The following ARPC2 variants were observed in gnomAD, a reference collection of about 807,000 sequenced individuals.
ARPC2 encodes the protein actin-related protein 2/3 complex subunit 2.
A neutral mutation model predicts 38.6 loss-of-function variants in ARPC2; 4 were observed. The observed-to-expected ratio is 0.10, with a 90% CI of 0.05 to 0.24. ARPC2 has a LOEUF of 0.24. Among genes scored for constraint, ARPC2 ranks in the 10% least tolerant of loss-of-function variants. The pLI, the probability that ARPC2 is intolerant of heterozygous loss-of-function variation, is 1.00. For synonymous variants in ARPC2, 125 were observed against 140.8 expected (o/e 0.89, Z 0.79); for missense variants, 229 against 387.3 (o/e 0.59, Z 3.43).
intron 7 of ARPC2, among the ~76,000 whole-genome samples, chr2:218,240,643 G>A (rs1436056364): frequency 6.6e-6 from 1 of 152,102 alleles, no homozygotes; most frequent in Non-Finnish European, 1.5e-5. Flanking sequence ...TGTAATCCCA[G>A]CACTGTGGGA....
intron 2 of ARPC2, among the ~76,000 whole-genome samples, chr2:218,221,296 G>T (rs968361653): frequency 2.0e-5 from 3 of 152,188 alleles, no homozygotes; most frequent in African/African-American, 7.2e-5. Context: ...GATGGGAAGA[G>T]AAATTTGAAA....
chr2:218,241,882 A>G (rs948087323), intron 7 of ARPC2, among the ~76,000 whole-genome samples: 1 of 152,236 alleles, frequency 6.6e-6, no homozygotes, highest in Admixed American at 6.5e-5. Context: ...AGGCTTAGGT[A>G]ATTTGTTGGA....
intron 8 of ARPC2, among the ~76,000 whole-genome samples, chr2:218,246,795 A>C (rs950442035): frequency 6.6e-6 from 1 of 152,166 alleles, no homozygotes; most frequent in Non-Finnish European, 1.5e-5. Flanking sequence ...ACATGGTGAA[A>C]CCACACCTCT....
rs77290917 is a variant in ARPC2 at position 218,228,396 on chromosome 2, C to G, written c.110-342C>G. 3.3e-5 allele frequency among the ~76,000 whole-genome samples: 5 copies of G among 150,854 alleles called. No homozygotes were observed. In the East Asian group the frequency reaches 9.7e-4, roughly 29 times the overall value. Reference sequence around the variant, plus strand: ...CCAGCCTGGGTGACAGAGTAAGACTCTATCTCAAAAAAAAAAAAATCGTTG... The same window carrying G: ...CCAGCCTGGGTGACAGAGTAAGACTGTATCTCAAAAAAAAAAAAATCGTTG... On this transcript the variant is annotated intron_variant, in intron 3 of 10. Transcript: ENST00000315717.
chr2:218,249,985 G>A lies in ARPC2; in HGVS notation c.878+64G>A, dbSNP rs574361013. On this transcript the variant is annotated intron_variant, in intron 10 of 10. Transcript: ENST00000315717. ...TGAGTCACCGAGAAGGAAGCAGTGG[G>A]CGCTGGTGGCCTGGTCCTCCATGTA... 16 of 1,391,986 alleles carry A rather than the reference G, an allele frequency of 1.1e-5. No individual in the cohort carries two copies. In the South Asian group the frequency reaches 1.5e-4, roughly 13 times the overall value. 86.2% of individuals were successfully genotyped at this position (1,391,986 alleles called of 1,614,324 possible).
At chr2:218,234,054 A>G in intron 4 of ARPC2, 1 of 217,040 alleles carries the variant, frequency 4.6e-6, no homozygotes, top group Non-Finnish European at 9.1e-6. Flanking sequence ...CTATAATCCC[A>G]GCTACTTGGG....
At chr2:218,252,589 A>G (rs1470771076) in intron 10 of ARPC2, among the ~76,000 whole-genome samples, 1 of 152,202 alleles carries the variant, frequency 6.6e-6, no homozygotes, top group Non-Finnish European at 1.5e-5. Flanking sequence ...GTAGAGGCCA[A>G]GAGGTAAACT....
intron 4 of ARPC2, 88 bp from the exon 5 acceptor site, chr2:218,234,264 G>T (rs1689714995): frequency 2.0e-6 from 2 of 1,019,874 alleles, no homozygotes; most frequent in South Asian, 1.5e-5. Flanking sequence ...CTTAGGAAGA[G>T]CTTGGCAAGT....
rs1689282328 is a variant in ARPC2, at chr2:218,217,564, C to T, written c.74+20C>T. ...CGCCGGGTGAGCGCGCGCCCGGGGC[C>T]GGGGGTGGCGGGGGAAGCAGAGTTG... On this transcript the variant is annotated intron_variant, in intron 2 of 10. Transcript: ENST00000315717. The T allele has an allele frequency of 6.3e-7, 1 of 1,598,134 alleles. No individual in the cohort carries two copies. Among genetic ancestry groups the T allele is most frequent in the African/African-American group, 1.3e-5 (1 of 74,576 alleles).
At chr2:218,253,031 T>C (rs1690231270) in intron 10 of ARPC2, 1 of 456,324 alleles carries the variant, frequency 2.2e-6, no homozygotes, top group Non-Finnish European at 4.4e-6. Flanking sequence ...ATGTTACTAA[T>C]GGTGGGTAGG....
intron 4 of ARPC2, 131 bp downstream of exon 4, chr2:218,228,981 ACTTGATTCCT>A (rs1345181357): frequency 1.7e-5 from 10 of 586,346 alleles, no homozygotes; most frequent in Non-Finnish European, 3.0e-5. Flanking sequence ...GGGGCTCTTG[ACTTGATTCCT>A]ATAATGAATT....
intron 6 of ARPC2, 144 bp downstream of exon 6, chr2:218,238,994 A>G: frequency 1.5e-6 from 1 of 676,420 alleles, no homozygotes; most frequent in Non-Finnish European, 2.5e-6. Context: ...CAGGAAGTAG[A>G]TGATAGGGCA....
intron 7 of ARPC2, 39 bp downstream of exon 7, chr2:218,239,523 G>C (rs367601012): frequency 6.7e-7 from 1 of 1,494,026 alleles, no homozygotes; most frequent in Non-Finnish European, 9.3e-7. Flanking sequence ...CATGCATGGC[G>C]ACTTATACCT....
intron 3 of ARPC2, among the ~76,000 whole-genome samples, chr2:218,226,626 C>CAAAAAAA (rs34789459): frequency 1.6e-5 from 1 of 61,490 alleles, no homozygotes; most frequent in African/African-American, 6.7e-5. Flanking sequence ...GACTCCATCT[C>CAAAAAAA]AAAAAAAAAA....
intron 2 of ARPC2, among the ~76,000 whole-genome samples, chr2:218,218,877 C>A (rs1473769255): frequency 1.3e-5 from 2 of 152,184 alleles, no homozygotes; most frequent in African/African-American, 4.8e-5. Context: ...CTGCCAGGGG[C>A]TGCAGTTGGT....
At chr2:218,240,747 G>A (rs1352793947) in intron 7 of ARPC2, among the ~76,000 whole-genome samples, 1 of 152,054 alleles carries the variant, frequency 6.6e-6, no homozygotes, top group Admixed American at 6.6e-5. Context: ...CAAAAAATTA[G>A]CCGGGTGTGG....
chr2:218,250,574 G>T (rs559763387), intron 10 of ARPC2, among the ~76,000 whole-genome samples: 2 of 151,232 alleles, frequency 1.3e-5, no homozygotes, highest in Admixed American at 1.3e-4. Context: ...CTGAGGCAGA[G>T]AATTGCTTGA....
chr2:218,220,350 A>T (rs1689355628), intron 2 of ARPC2, among the ~76,000 whole-genome samples: 2 of 152,320 alleles, frequency 1.3e-5, no homozygotes, highest in South Asian at 4.1e-4. Flanking sequence ...AGCCATACAA[A>T]GTGGCTGGCT....
chr2:218,248,618 A>G (rs895650335), intron 8 of ARPC2, among the ~76,000 whole-genome samples: 1 of 152,176 alleles, frequency 6.6e-6, no homozygotes, highest in African/African-American at 2.4e-5. Context: ...ACGCCATCAC[A>G]TGTGGCTAAT....
Sources: gnomAD v4.1 joint callset for allele counts (sites outside exome capture counted in the v4.1 genomes callset) on GRCh38, gnomAD v4.1.1 for gene constraint, MANE v1.5 for transcripts, NCBI Gene and HGNC (gene_info 2026-07-23, HGNC 2026-07-21) for gene names.